ASTN2: variants seen among roughly 807,000 people sequenced by gnomAD.
ASTN2 encodes the protein astrotactin 2.
A neutral mutation model predicts 139.8 loss-of-function variants in ASTN2; 54 were observed. The observed-to-expected ratio is 0.39, with a 90% CI of 0.31 to 0.48. ASTN2 has a LOEUF of 0.48. Among genes scored for constraint, ASTN2 ranks in the 20% least tolerant of loss-of-function variants. The pLI is 0.95. For missense variants in ASTN2, 1,565 were observed against 1,725.1 expected (o/e 0.91, Z 1.64); for synonymous variants, 756 against 719.5 (o/e 1.05, Z -0.81).
intron 3 of ASTN2, among the ~76,000 whole-genome samples, chr9:117,196,695 A>C (rs1280445141): frequency 6.6e-6 from 1 of 152,246 alleles, no homozygotes; most frequent in East Asian, 1.9e-4. Context: ...ATCATTTTTC[A>C]TGGTAACTAT....
intron 3 of ASTN2, among the ~76,000 whole-genome samples, chr9:117,192,495 G>A (rs542975927): frequency 6.6e-6 from 1 of 152,206 alleles, no homozygotes; most frequent in Non-Finnish European, 1.5e-5. Context: ...GAAGTCCTAA[G>A]ATGAAAATTA....
chr9:117,387,335 G>A (rs1171976882), intron 1 of ASTN2, among the ~76,000 whole-genome samples: 2 of 152,138 alleles, frequency 1.3e-5, no homozygotes, highest in Non-Finnish European at 2.9e-5. Context: ...ATGTAGAAAA[G>A]ACAAACATCA....
At chr9:117,055,421 A>C (rs977175032) in intron 5 of ASTN2, among the ~76,000 whole-genome samples, 2 of 152,240 alleles carry the variant, frequency 1.3e-5, no homozygotes, top group Non-Finnish European at 2.9e-5. Flanking sequence ...ATTTGAGATC[A>C]ACCTGAGCAA....
chr9:117,030,984 C>A (rs116725330), intron 6 of ASTN2, among the ~76,000 whole-genome samples: 2,055 of 152,268 alleles, frequency 0.013, 47 homozygotes, highest in African/African-American at 0.047. Context: ...GGTTGGAGTT[C>A]AAGCTATTCT....
intron 12 of ASTN2, among the ~76,000 whole-genome samples, chr9:116,819,077 T>G (rs1831412278): frequency 6.6e-6 from 1 of 152,196 alleles, no homozygotes; most frequent in Non-Finnish European, 1.5e-5. Context: ...GAGCTAGGAT[T>G]ACAATTCGTG....
At chr9:116,851,979 A>G (rs1287280723) in intron 11 of ASTN2, among the ~76,000 whole-genome samples, 1 of 152,202 alleles carries the variant, frequency 6.6e-6, no homozygotes, top group Non-Finnish European at 1.5e-5. Flanking sequence ...CTGAATTTGT[A>G]GGAAGGACAG....
chr9:117,407,917 C>CAGGA (rs1831043905), intron 1 of ASTN2, among the ~76,000 whole-genome samples: 1 of 152,178 alleles, frequency 6.6e-6, no homozygotes, highest in Non-Finnish European at 1.5e-5. Context: ...GAAGCCTCCT[C>CAGGA]TAATGCTGCT....
intron 6 of ASTN2, among the ~76,000 whole-genome samples, chr9:117,028,439 A>G (rs1267113692): frequency 2.0e-5 from 3 of 152,192 alleles, no homozygotes; most frequent in Non-Finnish European, 4.4e-5. Flanking sequence ...CAGGATGCAC[A>G]GGTGTTAATT....
chr9:117,216,475 C>A (rs991125732), intron 2 of ASTN2, among the ~76,000 whole-genome samples: 1 of 152,122 alleles, frequency 6.6e-6, no homozygotes, highest in African/African-American at 2.4e-5. Context: ...AACATAAAAA[C>A]AAATGCACAA....
intron 13 of ASTN2, among the ~76,000 whole-genome samples, chr9:116,764,788 A>G (rs1361915152): frequency 6.6e-6 from 1 of 152,154 alleles, no homozygotes; most frequent in Admixed American, 6.5e-5. Context: ...GTCGTCCTAC[A>G]TTTATGTGAG....
chr9:116,543,263 T>C (rs1851951490), intron 19 of ASTN2, among the ~76,000 whole-genome samples: 1 of 113,352 alleles, frequency 8.8e-6, no homozygotes, highest in Admixed American at 1.0e-4. Flanking sequence ...ACCCTATCTG[T>C]ATGAAAACTA....
At position 116,586,812 on chromosome 9, in the gene ASTN2, T is replaced by TCACACACACACA. The variant is rs141414264; in HGVS notation, c.3355+31500_3355+31511dup. Among the ~76,000 whole-genome samples the TCACACACACACA allele has an allele frequency of 3.9e-3, 309 of 79,908 alleles. 1 individual carries two copies. The highest frequency in any genetic ancestry group is 0.019 in the Middle Eastern group (3 of 162). The allele number at this position is 79,908 out of a possible 152,430, so 52.4% of individuals were successfully genotyped here. On this transcript the variant is annotated intron_variant, in intron 19 of 22. Transcript: ENST00000313400. ...AAAAATCTAAAATACCAGTTGAAATTCACACACACACACATACATACACAC... is the reference window on the plus strand; with the variant it reads ...AAAAATCTAAAATACCAGTTGAAATTCACACACACACACACACACACACACATACATACACAC...
intron 20 of ASTN2, among the ~76,000 whole-genome samples, chr9:116,458,928 G>A (rs905650989): frequency 2.0e-5 from 3 of 151,886 alleles, no homozygotes; most frequent in Non-Finnish European, 2.9e-5. Flanking sequence ...ACATGGAAAT[G>A]AAAGGCATCC....
At chr9:117,251,076 G>A (rs560607764) in intron 2 of ASTN2, among the ~76,000 whole-genome samples, 2 of 152,294 alleles carry the variant, frequency 1.3e-5, no homozygotes, top group African/African-American at 4.8e-5. Context: ...TATGAGTGAA[G>A]CTGAGGAGTC....
At chr9:117,014,979 A>G (rs2132600186) in intron 6 of ASTN2, among the ~76,000 whole-genome samples, 1 of 152,228 alleles carries the variant, frequency 6.6e-6, no homozygotes, top group South Asian at 2.1e-4. Context: ...TGGCAGCCCT[A>G]GCAAATTACC....
At chr9:117,055,767 C>T (rs752769738) in intron 5 of ASTN2, among the ~76,000 whole-genome samples, 2 of 152,202 alleles carry the variant, frequency 1.3e-5, no homozygotes, top group Admixed American at 6.5e-5. Flanking sequence ...GGCAAGGGGA[C>T]TGAGGGAGGT....
At chr9:116,861,803 A>G (rs1343442688) in intron 11 of ASTN2, among the ~76,000 whole-genome samples, 4 of 152,190 alleles carry the variant, frequency 2.6e-5, no homozygotes, top group Admixed American at 2.6e-4. Context: ...GTACTAGGAA[A>G]GAAGTGTTTT....
intron 6 of ASTN2, 42 bp downstream of exon 6, chr9:117,039,777 G>A (rs754030133): frequency 6.3e-7 from 1 of 1,593,832 alleles, no homozygotes; most frequent in South Asian, 1.1e-5. Context: ...GGGGTGCAAG[G>A]TGCTGAGTGG....
chr9:116,442,436 A>C lies in ASTN2; in HGVS notation c.3598+17T>G, dbSNP rs73520360. 5.7e-3 allele frequency: 9,161 copies of C among 1,610,754 alleles called. 434 individuals are homozygous for C. In the African/African-American group the frequency reaches 0.11, roughly 19 times the overall value. On this transcript the variant is annotated intron_variant, in intron 21 of 22. Transcript: ENST00000313400. ...AATATGGGAGTTACTTTGGAGTTGA[A>C]AAACTGGGTTACCTACCTTCTGCCT...
Sources: gnomAD v4.1 joint callset for allele counts (sites outside exome capture counted in the v4.1 genomes callset) on GRCh38, gnomAD v4.1.1 for gene constraint, MANE v1.5 for transcripts, NCBI Gene and HGNC (gene_info 2026-07-23, HGNC 2026-07-21) for gene names.